Variants in MDGA2 observed in about 807,000 individuals in gnomAD.
MDGA2 encodes the protein MAM domain containing glycosylphosphatidylinositol anchor 2, also known as MAM domain-containing glycosylphosphatidylinositol anchor protein 2.
In MDGA2, 40 loss-of-function variants were observed where a neutral mutation model predicts 117.8. That is an observed-to-expected ratio of 0.34 (90% CI 0.26 to 0.44). MDGA2 has a LOEUF of 0.44. Among genes scored for constraint, MDGA2 ranks in the 20% least tolerant of loss-of-function variants. The probability of loss-of-function intolerance (pLI) is 1.00; values close to 1 mark genes in which losing one functional copy is unlikely to be tolerated. For synonymous variants in MDGA2, 452 were observed against 439.0 expected, an observed-to-expected ratio of 1.03 and a Z score of -0.37; for missense variants, 1,123 against 1,250.6, an observed-to-expected ratio of 0.90 and a Z score of 1.54.
chr14:46,972,904 A>G (rs895927766), intron 8 of MDGA2, among the ~76,000 whole-genome samples: 1 of 152,176 alleles, frequency 6.6e-6, no homozygotes, highest in African/African-American at 2.4e-5. Flanking sequence ...AAAACATACA[A>G]AAACTCTAAA....
intron 5 of MDGA2, among the ~76,000 whole-genome samples, chr14:47,099,647 T>C (rs926449542): frequency 9.2e-5 from 14 of 151,898 alleles, no homozygotes; most frequent in Non-Finnish European, 1.8e-4. Flanking sequence ...TATAATGTGA[T>C]AGTTAAGTGG....
chr14:46,855,569 T>G lies in MDGA2; in HGVS notation c.2753-415A>C, dbSNP rs1275388778. Among the ~76,000 whole-genome samples the G allele has an allele frequency of 6.6e-6, 1 of 152,144 alleles. No individual in the cohort carries two copies. Among genetic ancestry groups the G allele is most frequent in the Non-Finnish European group, 1.5e-5 (1 of 68,008 alleles). ...TGGAGGAAGGGGCTACAAGGACTAC[T>G]GGCAGCTTCTTGAAGCTAGTAAAGG... On this transcript the variant is annotated intron_variant, in intron 14 of 16. Transcript: ENST00000399232. The surrounding 1 kb of genome is among the most constrained non-coding windows in gnomAD (Gnocchi z 4.1).
chr14:46,960,765 G>C (rs1885766887), intron 8 of MDGA2, among the ~76,000 whole-genome samples: 2 of 144,216 alleles, frequency 1.4e-5, no homozygotes. Flanking sequence ...CACATATGTA[G>C]AATTTGTGTA....
chr14:47,017,019 C>A (rs1888107878), intron 8 of MDGA2, among the ~76,000 whole-genome samples: 1 of 151,680 alleles, frequency 6.6e-6, no homozygotes, highest in African/African-American at 2.4e-5. Context: ...TTATGTGTAA[C>A]CTCCTTTCCT....
At chr14:47,166,256 G>T (rs974687449) in intron 3 of MDGA2, among the ~76,000 whole-genome samples, 8 of 152,068 alleles carry the variant, frequency 5.3e-5, no homozygotes, top group Admixed American at 3.3e-4. Context: ...GGATGGTATT[G>T]ATCTCTAGAC....
At chr14:47,425,455 T>C (rs1892668131) in intron 1 of MDGA2, among the ~76,000 whole-genome samples, 1 of 152,158 alleles carries the variant, frequency 6.6e-6, no homozygotes. Flanking sequence ...CAGAAGACCT[T>C]TGGGAACCAG....
At chr14:47,343,823 C>T (rs1021731465) in intron 1 of MDGA2, among the ~76,000 whole-genome samples, 2 of 151,496 alleles carry the variant, frequency 1.3e-5, no homozygotes, top group Non-Finnish European at 2.9e-5. Context: ...TTTTAAAATG[C>T]ATTAAAAAAA....
At chr14:47,210,677 C>T (rs543228388) in intron 3 of MDGA2, among the ~76,000 whole-genome samples, 5 of 152,106 alleles carry the variant, frequency 3.3e-5, no homozygotes, top group African/African-American at 4.8e-5. Flanking sequence ...GAAACAGTAT[C>T]GGTATTAGAA....
intron 3 of MDGA2, among the ~76,000 whole-genome samples, chr14:47,155,081 C>T (rs1410714440): frequency 2.0e-5 from 3 of 152,136 alleles, no homozygotes; most frequent in Non-Finnish European, 4.4e-5. Context: ...GTCTCCTCTC[C>T]ACTGAGAGCT....
intron 3 of MDGA2, among the ~76,000 whole-genome samples, chr14:47,173,749 C>A (rs1235315836): frequency 6.6e-6 from 1 of 152,068 alleles, no homozygotes; most frequent in Non-Finnish European, 1.5e-5. Context: ...AACTAACGAG[C>A]AAAATAACCA....
intron 2 of MDGA2, among the ~76,000 whole-genome samples, chr14:47,254,953 C>T (rs1297796468): frequency 2.6e-5 from 4 of 152,070 alleles, no homozygotes; most frequent in Non-Finnish European, 4.4e-5. Context: ...CTTGTAAAGC[C>T]ATAAGATCTT....
In MDGA2 at chr14:47,168,629, G is replaced by A. The variant is rs538458719; in HGVS notation, c.596-24355C>T. Among the ~76,000 whole-genome samples, 87 of 152,160 alleles carry A rather than the reference G, an allele frequency of 5.7e-4. No homozygotes were observed. The Middle Eastern group carries it at 0.01, about 18-fold the overall frequency. ...AGAATCTAGAGCAGTTACATGGCACGTACTGAGTTCTAGAAACAAAGATAA... is the reference window on the plus strand; with the variant it reads ...AGAATCTAGAGCAGTTACATGGCACATACTGAGTTCTAGAAACAAAGATAA... On this transcript the variant is annotated intron_variant, in intron 3 of 16. Coordinates refer to ENST00000399232, the MANE Select transcript of MDGA2 (RefSeq NM_001113498.3).
At chr14:47,288,482 A>C (rs1888765837) in intron 2 of MDGA2, among the ~76,000 whole-genome samples, 1 of 152,162 alleles carries the variant, frequency 6.6e-6, no homozygotes, top group African/African-American at 2.4e-5. Flanking sequence ...TTTCTATGAA[A>C]TCCACCAGTG....
intron 1 of MDGA2, among the ~76,000 whole-genome samples, chr14:47,622,824 T>G (rs893448853): frequency 1.3e-5 from 2 of 152,064 alleles, no homozygotes; most frequent in Non-Finnish European, 2.9e-5. Context: ...AGTAGATAGG[T>G]GGCTTGTTCC....
chr14:47,472,608 G>A (rs1244052203), intron 1 of MDGA2, among the ~76,000 whole-genome samples: 1 of 152,186 alleles, frequency 6.6e-6, no homozygotes, highest in Admixed American at 6.5e-5. Flanking sequence ...AATGGTTGGA[G>A]TGGATTTAGT....
chr14:46,960,337 T>C (rs1224022468), intron 8 of MDGA2: 1 of 152,206 alleles, frequency 6.6e-6, no homozygotes, highest in Admixed American at 6.5e-5. Flanking sequence ...TTGTAGACTT[T>C]CCATCTGTGA....
intron 1 of MDGA2, among the ~76,000 whole-genome samples, chr14:47,401,161 C>T (rs1892140239): frequency 6.6e-6 from 1 of 151,752 alleles, no homozygotes; most frequent in Non-Finnish European, 1.5e-5. Flanking sequence ...AAATTAACAA[C>T]CAAAAACAAT....
intron 10 of MDGA2, among the ~76,000 whole-genome samples, chr14:46,916,645 T>C (rs537846130): frequency 4.6e-5 from 7 of 152,074 alleles, no homozygotes; most frequent in Non-Finnish European, 1.0e-4. Context: ...GGTTATAGTT[T>C]TGAAAAAAAG....
intron 3 of MDGA2, among the ~76,000 whole-genome samples, chr14:47,195,734 C>T (rs1885266861): frequency 6.6e-6 from 1 of 152,006 alleles, no homozygotes; most frequent in Non-Finnish European, 1.5e-5. Flanking sequence ...AGAAAGGCAG[C>T]TGAGGAATTT....
Sources: gnomAD v4.1 joint callset for allele counts (sites outside exome capture counted in the v4.1 genomes callset) on GRCh38, gnomAD v4.1.1 for gene constraint, Gnocchi (gnomAD v3.1) non-coding constraint, MANE v1.5 for transcripts, NCBI Gene and HGNC (gene_info 2026-07-23, HGNC 2026-07-21) for gene names.